The following OR51B5 variants were observed in gnomAD, a reference collection of about 807,000 sequenced individuals.
The protein encoded by OR51B5 is olfactory receptor family 51 subfamily B member 5.
For synonymous variants in OR51B5, 186 were observed against 144.8 expected, an observed-to-expected ratio of 1.28 and a Z score of -2.04; for missense variants, 456 against 374.6, an observed-to-expected ratio of 1.22 and a Z score of -1.79.
At chr11:5,411,546 A>G (rs1214366250) in intron 1 of OR51B5, among the ~76,000 whole-genome samples, 5 of 152,206 alleles carry the variant, frequency 3.3e-5, no homozygotes. Flanking sequence ...GGAATTCAGA[A>G]TGATTAAAAG....
In OR51B5 at chr11:5,358,688, A is replaced by C. The variant is rs184137967; in HGVS notation, n.85-11778T>G. Among the ~76,000 whole-genome samples, 887 of 151,752 alleles carry C rather than the reference A, an allele frequency of 5.8e-3. 7 individuals carry two copies. The highest frequency in any genetic ancestry group is 0.01 in the Middle Eastern group (3 of 294). The stretch of plus-strand genomic sequence containing the variant: ...TACCAAAGCCGGGCAGAGACACAAC[A>C]AAAAAAGAGAATTTTAGACCAATAT... On this transcript the variant is annotated intron_variant and non_coding_transcript_variant, in intron 1 of 4. Coordinates refer to the OR51B5 transcript ENST00000415970.
intron 1 of OR51B5, among the ~76,000 whole-genome samples, chr11:5,376,618 TA>T (rs1849532849): frequency 6.6e-6 from 1 of 151,856 alleles, no homozygotes; most frequent in African/African-American, 2.4e-5. Flanking sequence ...AAAAAAATGA[TA>T]AAGGGGATAT....
chr11:5,489,721 T>C, intron 1 of OR51B5: 1 of 1,128,502 alleles, frequency 8.9e-7, no homozygotes, highest in Non-Finnish European at 1.3e-6. Context: ...CTAGATACAT[T>C]TACATGGACA....
rs540609696 is a variant in OR51B5, at chr11:5,449,951, C to T, written n.84+55618G>A. Among the ~76,000 whole-genome samples, 10 of 152,324 alleles carry T rather than the reference C, an allele frequency of 6.6e-5. No individual in the cohort carries two copies. The South Asian group carries it at 2.1e-3, about 32-fold the overall frequency. ...AAACTGTGGTCTTTAGACAGCCTTTCTGTACATTCCTCCAGCCTCTACCTT... is the reference window on the plus strand; with the variant it reads ...AAACTGTGGTCTTTAGACAGCCTTTTTGTACATTCCTCCAGCCTCTACCTT... On this transcript the variant is annotated intron_variant and non_coding_transcript_variant, in intron 1 of 4. Coordinates refer to the OR51B5 transcript ENST00000415970.
intron 1 of OR51B5, among the ~76,000 whole-genome samples, chr11:5,364,676 C>G (rs1457720696): frequency 6.6e-6 from 1 of 152,102 alleles, no homozygotes; most frequent in African/African-American, 2.4e-5. Context: ...TGATTTTGTG[C>G]ACTCTAAGGC....
At chr11:5,470,974 C>T (rs754769939) in intron 1 of OR51B5, among the ~76,000 whole-genome samples, 1 of 152,198 alleles carries the variant, frequency 6.6e-6, no homozygotes. Context: ...GCTTCACTTA[C>T]CTTATGAAAT....
intron 1 of OR51B5, among the ~76,000 whole-genome samples, chr11:5,349,397 T>C (rs879636588): frequency 3.7e-5 from 5 of 133,522 alleles, no homozygotes; most frequent in Non-Finnish European, 6.7e-5. Context: ...CTGGTATTCC[T>C]ACTCCTGTTT....
intron 1 of OR51B5, among the ~76,000 whole-genome samples, chr11:5,363,003 G>T (rs966997563): frequency 2.1e-5 from 2 of 94,208 alleles, no homozygotes; most frequent in Non-Finnish European, 4.3e-5. Context: ...GTTAGGCAGG[G>T]ATTGGGGCAT....
chr11:5,361,474 T>C (rs2133698054), intron 1 of OR51B5, among the ~76,000 whole-genome samples: 1 of 152,314 alleles, frequency 6.6e-6, no homozygotes, highest in South Asian at 2.1e-4. Context: ...GTCACATCTG[T>C]GGCAACAATG....
rs1437464475 is a variant in OR51B5 at position 5,353,451 on chromosome 11, AAAAC to A, written n.85-6545_85-6542del. On this transcript the variant is annotated intron_variant and non_coding_transcript_variant, in intron 1 of 4. Coordinates refer to the OR51B5 transcript ENST00000415970. ...GGCATGTGCAAAATAGCAGAGTTGA[AAAAC>A]AAACAGTTGGTCATATGTGGAGAGT... is the stretch of plus-strand genomic sequence containing the variant. Among the ~76,000 whole-genome samples the A allele has an allele frequency of 2.7e-5, 4 of 150,120 alleles. No individual in the cohort carries two copies. In the South Asian group the frequency reaches 8.4e-4, roughly 32 times the overall value.
chr11:5,398,743 T>C (rs570834873), intron 1 of OR51B5, among the ~76,000 whole-genome samples: 77 of 152,318 alleles, frequency 5.1e-4, no homozygotes, highest in African/African-American at 1.8e-3. Flanking sequence ...GATGGTTTTA[T>C]AAGGCAGTTT....
rs777196043 is a variant in OR51B5, at chr11:5,453,739, C to A, written n.84+51830G>T. 1.4e-5 allele frequency: 22 copies of A among 1,614,162 alleles called. 1 individual carries two copies. In the South Asian group the frequency reaches 2.2e-4, roughly 16 times the overall value. ...GCCACACTGCCCACTGTACTCCGAA[C>A]CTTCTGCCTCAATGCCCGCAACATC... On this transcript the variant is annotated intron_variant and non_coding_transcript_variant, in intron 1 of 4. Coordinates refer to the OR51B5 transcript ENST00000415970.
chr11:5,455,385 G>C (rs887303929), intron 1 of OR51B5: 1 of 149,290 alleles, frequency 6.7e-6, no homozygotes, highest in African/African-American at 2.4e-5. Context: ...AGACAGACTA[G>C]AGCACTTATG....
intron 1 of OR51B5, chr11:5,422,267 G>T: frequency 6.2e-7 from 1 of 1,614,102 alleles, no homozygotes; most frequent in Non-Finnish European, 8.5e-7. Flanking sequence ...CCCTGGATTT[G>T]AGGCCTCCCA....
intron 1 of OR51B5, chr11:5,454,275 C>G: frequency 6.2e-7 from 1 of 1,614,146 alleles, no homozygotes; most frequent in Non-Finnish European, 8.5e-7. Context: ...CACAGTGCAC[C>G]GCTTTGGGAA....
At chr11:5,477,193 C>T (rs1008898567) in intron 1 of OR51B5, among the ~76,000 whole-genome samples, 2 of 151,952 alleles carry the variant, frequency 1.3e-5, no homozygotes, top group African/African-American at 2.4e-5. Flanking sequence ...TTCGTGAGCG[C>T]CAGGGGAGAT....
downstream of OR51B5, chr11:5,342,451 G>C: frequency 9.0e-7 from 1 of 1,111,326 alleles, no homozygotes; most frequent in African/African-American, 1.6e-5. Context: ...GATACCTTAG[G>C]GAAACTTGAA....
At chr11:5,416,737 T>G (rs567153532) in intron 1 of OR51B5, among the ~76,000 whole-genome samples, 3,554 of 138,966 alleles carry the variant, frequency 0.026, 185 homozygotes, top group African/African-American at 0.086. Flanking sequence ...GAAGGACCTC[T>G]TCAAGGAGAA....
chr11:5,418,560 G>T (rs1850277230), intron 1 of OR51B5, among the ~76,000 whole-genome samples: 3 of 152,240 alleles, frequency 2.0e-5, no homozygotes, highest in Admixed American at 2.0e-4. Context: ...TGAAAAGGAT[G>T]AGTTCATGTC....
Sources: allele counts gnomAD v4.1 joint callset (sites outside exome capture counted in the v4.1 genomes callset), GRCh38; gene constraint gnomAD v4.1.1; transcripts MANE v1.5; gene names NCBI Gene and HGNC (gene_info 2026-07-23, HGNC 2026-07-21).